MAPKAP1: variants seen among roughly 807,000 people sequenced by gnomAD.
MAPKAP1 encodes MAPK associated protein 1.
Under a neutral mutation model 65.7 loss-of-function variants are expected in MAPKAP1, and 20 were observed. The observed-to-expected ratio is 0.30, with a 90% confidence interval of 0.21 to 0.44. The LOEUF (loss-of-function observed/expected upper bound fraction) is 0.44. Among genes scored for constraint, MAPKAP1 ranks in the 20% least tolerant of loss-of-function variants. The probability of loss-of-function intolerance (pLI) is 1.00; values close to 1 mark genes in which losing one functional copy is unlikely to be tolerated. For synonymous variants in MAPKAP1, 222 were observed against 244.3 expected, an observed-to-expected ratio of 0.91 and a Z score of 0.85; for missense variants, 423 against 648.0, an observed-to-expected ratio of 0.65 and a Z score of 3.77.
At chr9:125,624,536 C>G (rs1312552388) in intron 4 of MAPKAP1, among the ~76,000 whole-genome samples, 3 of 75,078 alleles carry the variant, frequency 4.0e-5, no homozygotes, top group African/African-American at 1.3e-4. Flanking sequence ...CTCTGCCCAG[C>G]CAGCCGCCCT....
intron 3 of MAPKAP1, among the ~76,000 whole-genome samples, chr9:125,668,382 T>A (rs931971958): frequency 6.6e-6 from 1 of 152,218 alleles, no homozygotes; most frequent in Non-Finnish European, 1.5e-5. Context: ...AAGTACCTAG[T>A]AGAGCACGAG....
intron 10 of MAPKAP1, among the ~76,000 whole-genome samples, chr9:125,445,007 A>G (rs1240362875): frequency 2.0e-5 from 3 of 152,218 alleles, no homozygotes; most frequent in Admixed American, 1.3e-4. Context: ...CAAAAGCCAC[A>G]CTATTATGAG....
intron 6 of MAPKAP1, among the ~76,000 whole-genome samples, chr9:125,547,343 G>A (rs1274583097): frequency 6.6e-6 from 1 of 152,274 alleles, no homozygotes; most frequent in Non-Finnish European, 1.5e-5. Context: ...GCAGCATACT[G>A]GAGAGGAAAG....
chr9:125,578,999 C>T (rs545900), intron 5 of MAPKAP1, among the ~76,000 whole-genome samples: 86,271 of 152,002 alleles, frequency 0.57, 24,832 homozygotes, highest in East Asian at 0.82. Flanking sequence ...GCAAAAATTT[C>T]ATAGTCCACA....
chr9:125,439,242 CTT>C lies in MAPKAP1; in HGVS notation c.1444-232_1444-231del, dbSNP rs1183726117. 2.0e-5 allele frequency among the ~76,000 whole-genome samples: 3 copies of C among 152,254 alleles called. No homozygotes were observed. The highest frequency in any genetic ancestry group is 4.4e-5 in the Non-Finnish European group (3 of 68,042). ...GGAGAAGCCAAGTGGCCAGTCCAGG[CTT>C]CCCAGTCAGTGAGCGGCGAGCTCTT... On this transcript the variant is annotated intron_variant, in intron 11 of 11. Coordinates refer to ENST00000265960, the MANE Select transcript of MAPKAP1 (RefSeq NM_001006617.3). This position sits in a 1 kb window ranked among gnomAD's most constrained non-coding sequence, Gnocchi z 4.0.
chr9:125,550,501 C>T (rs1364663524), intron 6 of MAPKAP1, among the ~76,000 whole-genome samples: 3 of 152,182 alleles, frequency 2.0e-5, no homozygotes, highest in African/African-American at 4.8e-5. Flanking sequence ...AAAATGTGTG[C>T]TTTTATGGTA....
At chr9:125,522,846 C>T (rs897194953) in intron 7 of MAPKAP1, among the ~76,000 whole-genome samples, 1 of 152,228 alleles carries the variant, frequency 6.6e-6, no homozygotes, top group African/African-American at 2.4e-5. Flanking sequence ...AAACTAGACT[C>T]ACTGTTCAGT....
intron 7 of MAPKAP1, chr9:125,521,485 G>T: frequency 8.0e-7 from 1 of 1,253,808 alleles, no homozygotes. Flanking sequence ...GAAATAAACA[G>T]TCATTTATTT....
chr9:125,614,269 A>T (rs1832683678), intron 4 of MAPKAP1, among the ~76,000 whole-genome samples: 1 of 152,144 alleles, frequency 6.6e-6, no homozygotes, highest in Non-Finnish European at 1.5e-5. Context: ...TTGATGACCA[A>T]AGCTGAGTTT....
At chr9:125,537,440 T>C (rs1291572687) in intron 7 of MAPKAP1, among the ~76,000 whole-genome samples, 1 of 152,140 alleles carries the variant, frequency 6.6e-6, no homozygotes. Flanking sequence ...GGGTCCTCCT[T>C]TTGGAAAGAC....
intron 7 of MAPKAP1, among the ~76,000 whole-genome samples, chr9:125,512,580 A>T (rs1564537221): frequency 1.3e-5 from 2 of 148,332 alleles, no homozygotes; most frequent in Admixed American, 6.7e-5. Flanking sequence ...ATGTATACAT[A>T]TTTTTTTTTT....
At chr9:125,630,822 A>G (rs1291354039) in intron 4 of MAPKAP1, among the ~76,000 whole-genome samples, 1 of 152,178 alleles carries the variant, frequency 6.6e-6, no homozygotes, top group Non-Finnish European at 1.5e-5. Flanking sequence ...TTCTTACTCT[A>G]TTAGTTCCAG....
chr9:125,540,095 G>A (rs989336733), intron 7 of MAPKAP1, among the ~76,000 whole-genome samples: 1 of 152,206 alleles, frequency 6.6e-6, no homozygotes, highest in East Asian at 1.9e-4. Context: ...GTAAATGACA[G>A]TCTATCCTAA....
At chr9:125,650,397 G>A (rs631287) in intron 4 of MAPKAP1, 80,477 of 151,910 alleles carry the variant, frequency 0.53, 21,457 homozygotes, top group South Asian at 0.6. Context: ...TTTTCACCAC[G>A]ATCTACTTCA....
intron 1 of MAPKAP1, among the ~76,000 whole-genome samples, chr9:125,706,591 G>T (rs1348280637): frequency 1.3e-5 from 2 of 152,000 alleles, no homozygotes; most frequent in East Asian, 3.9e-4. Flanking sequence ...CTCTTTAAGG[G>T]GGAGGGGGAG....
At chr9:125,633,453 T>G (rs141760346) in intron 4 of MAPKAP1, among the ~76,000 whole-genome samples, 2 of 152,338 alleles carry the variant, frequency 1.3e-5, no homozygotes, top group Non-Finnish European at 2.9e-5. Flanking sequence ...ACATATTAGA[T>G]TAAGCTGAGA....
At chr9:125,651,816 C>G (rs1833901609) in intron 4 of MAPKAP1, among the ~76,000 whole-genome samples, 1 of 152,172 alleles carries the variant, frequency 6.6e-6, no homozygotes, top group South Asian at 2.1e-4. Context: ...CCCCCGCACC[C>G]CCACCAGTTG....
intron 7 of MAPKAP1, among the ~76,000 whole-genome samples, chr9:125,511,168 CAT>C (rs1564536712): frequency 2.4e-4 from 10 of 41,378 alleles, no homozygotes; most frequent in African/African-American, 9.0e-4. Flanking sequence ...TCATCACCAT[CAT>C]CATCATCATC....
intron 9 of MAPKAP1, 111 bp from the exon 10 acceptor site, chr9:125,468,220 CTCTT>C: frequency 8.5e-7 from 1 of 1,179,962 alleles, no homozygotes; most frequent in Non-Finnish European, 1.2e-6. Flanking sequence ...TGAACGTGAG[CTCTT>C]TCTTAGGGCT....
Sources: allele counts gnomAD v4.1 joint callset (sites outside exome capture counted in the v4.1 genomes callset), GRCh38; gene constraint gnomAD v4.1.1; non-coding constraint Gnocchi (gnomAD v3.1); transcripts MANE v1.5; gene names NCBI Gene and HGNC (gene_info 2026-07-23, HGNC 2026-07-21).